THAP4: variants seen among roughly 807,000 people sequenced by gnomAD.
The protein encoded by THAP4 is peroxynitrite isomerase THAP4.
A neutral mutation model predicts 48.1 loss-of-function variants in THAP4; 18 were observed. That is an observed-to-expected ratio of 0.37 (90% CI 0.26 to 0.56). The LOEUF (loss-of-function observed/expected upper bound fraction) is 0.56. Among genes scored for constraint, THAP4 ranks in the 20% least tolerant of loss-of-function variants. The probability of loss-of-function intolerance (pLI) is 0.78; values close to 1 mark genes in which losing one functional copy is unlikely to be tolerated. For missense variants in THAP4, 656 were observed against 774.9 expected (o/e 0.85, Z 1.82); for synonymous variants, 345 against 324.9 (o/e 1.06, Z -0.66).
At chr2:241,631,307 T>A (rs2067557834) in intron 2 of THAP4, among the ~76,000 whole-genome samples, 1 of 152,118 alleles carries the variant, frequency 6.6e-6, no homozygotes, top group Admixed American at 6.6e-5. Context: ...TTGATCCAGA[T>A]GAAATCAACA....
intron 2 of THAP4, among the ~76,000 whole-genome samples, chr2:241,629,069 A>T (rs932052486): frequency 6.6e-6 from 1 of 152,194 alleles, no homozygotes; most frequent in Non-Finnish European, 1.5e-5. Flanking sequence ...GGGAATAAGA[A>T]GCACCGGAAC....
At chr2:241,598,975 TG>T (rs1335383478) in intron 5 of THAP4, among the ~76,000 whole-genome samples, 1 of 151,088 alleles carries the variant, frequency 6.6e-6, no homozygotes, top group African/African-American at 2.4e-5. Flanking sequence ...GCTATCCGGC[TG>T]GGCGCAGTGG....
chr2:241,610,393 T>G lies in THAP4; in HGVS notation c.1241-3920A>C, dbSNP rs1276713981. 6.6e-6 allele frequency among the ~76,000 whole-genome samples: 1 copy of G among 152,048 alleles called. No homozygotes were observed. The highest frequency in any genetic ancestry group is 1.5e-5 in the Non-Finnish European group (1 of 67,964). On this transcript the variant is annotated intron_variant, in intron 2 of 5. Coordinates refer to ENST00000407315, the MANE Select transcript of THAP4 (RefSeq NM_015963.6). The surrounding 1 kb of genome is among the most constrained non-coding windows in gnomAD (Gnocchi z 4.2). ...CCAGGGTCACGCCACCGCGCCCTGTTTGGGGAGCGGCAGAGGAGTCAGGGC... is the reference window on the plus strand; with the variant it reads ...CCAGGGTCACGCCACCGCGCCCTGTGTGGGGAGCGGCAGAGGAGTCAGGGC...
At chr2:241,591,112 G>A (rs1016812176) in intron 5 of THAP4, among the ~76,000 whole-genome samples, 2 of 100,796 alleles carry the variant, frequency 2.0e-5, no homozygotes, top group African/African-American at 7.8e-5. Context: ...GAACTGCCAG[G>A]CTGACGATGA....
chr2:241,619,922 G>A (rs2067399176), intron 2 of THAP4, among the ~76,000 whole-genome samples: 1 of 92,690 alleles, frequency 1.1e-5, no homozygotes, highest in African/African-American at 4.3e-5. Context: ...AATGAGGGGT[G>A]AGTGAGGGGT....
chr2:241,632,125 TTC>T (rs2067571388), intron 2 of THAP4, among the ~76,000 whole-genome samples: 1 of 151,570 alleles, frequency 6.6e-6, no homozygotes, highest in Non-Finnish European at 1.5e-5. Context: ...CAGAGTCTTA[TTC>T]TGTCACCCAG....
chr2:241,628,078 C>T (rs559769386), intron 2 of THAP4, among the ~76,000 whole-genome samples: 1 of 152,122 alleles, frequency 6.6e-6, no homozygotes, highest in Non-Finnish European at 1.5e-5. Context: ...CAGTAACCAG[C>T]GACCCTGGGA....
At chr2:241,589,220 A>G (rs1334025980) in intron 5 of THAP4, among the ~76,000 whole-genome samples, 1 of 151,586 alleles carries the variant, frequency 6.6e-6, no homozygotes, top group Non-Finnish European at 1.5e-5. Context: ...CTCAAAAAAA[A>G]AAAAGAAAAA....
rs759076401 is a variant in THAP4, at chr2:241,637,049, C to T, written c.-32G>A. The T allele has an allele frequency of 3.4e-6, 4 of 1,177,370 alleles. No homozygotes were observed. The highest frequency in any genetic ancestry group is 2.8e-4 in the Middle Eastern group (1 of 3,522). 72.9% of individuals were successfully genotyped at this position (1,177,370 alleles called of 1,614,324 possible). ...CCTTGGCCCAGCCGCGCAGCCAGGC[C>T]CCGGCCCTAGCCGCCCGCCCGCCCG... On this transcript the variant is annotated 5_prime_UTR_variant, in exon 1 of 6. Transcript: ENST00000407315.
upstream of THAP4, chr2:241,637,373 T>C: frequency 7.2e-7 from 1 of 1,384,934 alleles, no homozygotes; most frequent in Non-Finnish European, 9.5e-7. Context: ...GCAAGATGGC[T>C]GCTCGGACGG....
chr2:241,601,139 G>A lies in THAP4; in HGVS notation c.1614+757C>T, dbSNP rs1316948836. On this transcript the variant is annotated intron_variant, in intron 5 of 5. Coordinates refer to ENST00000407315, the MANE Select transcript of THAP4 (RefSeq NM_015963.6). The surrounding 1 kb of genome is among the most constrained non-coding windows in gnomAD (Gnocchi z 4.0). ...ACTAATAATACAAAATTAGCCAGGC[G>A]TGGTGGCGCATGCCTGTAATCCCAG... is the stretch of plus-strand genomic sequence containing the variant. 5.3e-5 allele frequency among the ~76,000 whole-genome samples: 8 copies of A among 152,114 alleles called. No homozygotes were observed. The highest frequency in any genetic ancestry group is 3.3e-4 in the Admixed American group (5 of 15,270).
intron 1 of THAP4, among the ~76,000 whole-genome samples, chr2:241,635,646 T>C (rs2067629622): frequency 6.6e-6 from 1 of 152,078 alleles, no homozygotes; most frequent in South Asian, 2.1e-4. Flanking sequence ...GGCGCTTGCC[T>C]GTAATCCCAG....
chr2:241,585,930 G>GAAAA (rs1247935159), intron 5 of THAP4, among the ~76,000 whole-genome samples: 1 of 108,992 alleles, frequency 9.2e-6, no homozygotes, highest in African/African-American at 3.7e-5. Flanking sequence ...AAAAAAAAAA[G>GAAAA]AAAAAAAAAA....
In THAP4 at chr2:241,630,543, C is replaced by T. The variant is rs567070694; in HGVS notation, c.1240+2374G>A. Among the ~76,000 whole-genome samples, 5 of 152,282 alleles carry T rather than the reference C, an allele frequency of 3.3e-5. No individual in the cohort carries two copies. In the South Asian group the frequency reaches 8.3e-4, roughly 25 times the overall value. ...TAAAATTCCAAGAGAAGCTGGGAGG[C>T]CGAGGCGGGTGGATCACCTGAGGTC... On this transcript the variant is annotated intron_variant, in intron 2 of 5. Coordinates refer to ENST00000407315, the MANE Select transcript of THAP4 (RefSeq NM_015963.6).
intron 2 of THAP4, among the ~76,000 whole-genome samples, chr2:241,631,454 A>G (rs533628409): frequency 2.0e-5 from 3 of 152,212 alleles, no homozygotes; most frequent in Non-Finnish European, 4.4e-5. Flanking sequence ...GCTAATATAC[A>G]TACAAAGATT....
intron 2 of THAP4, among the ~76,000 whole-genome samples, chr2:241,620,865 T>TGTG (rs2067421888): frequency 1.3e-5 from 2 of 152,068 alleles, no homozygotes; most frequent in Non-Finnish European, 1.5e-5. Flanking sequence ...CCATGGTGTA[T>TGTG]GTGGTCTGTC....
rs570840829 is a variant in THAP4 at position 241,635,150 on chromosome 2, T to G, written c.78-1071A>C. On this transcript the variant is annotated intron_variant, in intron 1 of 5. Coordinates refer to ENST00000407315, the MANE Select transcript of THAP4 (RefSeq NM_015963.6). ...AAGCGGTAGGAAAGGCTGGGAGCCG[T>G]GGCTCATGCCTGTGATCCCAGCTAC... Among the ~76,000 whole-genome samples the G allele has an allele frequency of 2.0e-5, 3 of 152,334 alleles. No individual in the cohort carries two copies. In the South Asian group the frequency reaches 6.2e-4, roughly 32 times the overall value.
At chr2:241,626,998 C>T (rs1005940859) in intron 2 of THAP4, among the ~76,000 whole-genome samples, 3 of 152,220 alleles carry the variant, frequency 2.0e-5, no homozygotes, top group African/African-American at 7.2e-5. Flanking sequence ...GTTTTGTCTG[C>T]ACTTCTCCAA....
chr2:241,624,949 T>C (rs776096652), intron 2 of THAP4, among the ~76,000 whole-genome samples: 4 of 152,212 alleles, frequency 2.6e-5, no homozygotes, highest in Non-Finnish European at 5.9e-5. Flanking sequence ...CTCTGGGCCA[T>C]ATTCTGGGGC....
Sources: allele counts gnomAD v4.1 joint callset (sites outside exome capture counted in the v4.1 genomes callset), GRCh38; gene constraint gnomAD v4.1.1; non-coding constraint Gnocchi (gnomAD v3.1); transcripts MANE v1.5; gene names NCBI Gene and HGNC (gene_info 2026-07-23, HGNC 2026-07-21).